Variants in RNF128 observed in about 807,000 individuals in gnomAD.
RNF128 encodes E3 ubiquitin-protein ligase RNF128.
RNF128 carries 13 observed loss-of-function variants against 26.2 expected under a neutral mutation model. The observed-to-expected ratio is 0.50, with a 90% confidence interval of 0.32 to 0.79. RNF128 has a LOEUF of 0.79. Among genes scored for constraint, RNF128 ranks in the 30% least tolerant of loss-of-function variants. The probability of loss-of-function intolerance (pLI) is 0.03; values close to 1 mark genes in which losing one functional copy is unlikely to be tolerated. For synonymous variants in RNF128, 149 were observed against 142.5 expected (o/e 1.05, Z -0.32); for missense variants, 315 against 349.7 (o/e 0.90, Z 0.79).
At position 106,694,372 on chromosome X, in the gene RNF128, G is replaced by A. The variant is rs199720554; in HGVS notation, c.370G>A (p.Glu124Lys). ...TGCTGTTGTGATTTACAATGCTCCA[G>A]AGACTGGCAATCAGACGATACAGAT... The change falls in exon 1 of 7, where the codon GAG (glutamate) becomes AAG (lysine). Residue 124 changes from glutamate (E) to lysine (K), a missense_variant. Physicochemically the swap from Glu to Lys is moderately conservative, Grantham distance 56. Transcript: ENST00000324342. 17 of 1,199,304 alleles carry A rather than the reference G, an allele frequency of 1.4e-5. No individual in the cohort carries two copies. In the African/African-American group the frequency reaches 2.6e-4, roughly 19 times the overall value.
chrX:106,703,625 A>G (rs1928995009), intron 1 of RNF128, among the ~76,000 whole-genome samples: 1 of 111,559 alleles, frequency 9.0e-6, no homozygotes, highest in Non-Finnish European at 1.9e-5. Context: ...AAGGAGGGAA[A>G]TGTAGTCAGG....
intron 6 of RNF128, among the ~76,000 whole-genome samples, chrX:106,794,025 T>G (rs1222956322): frequency 2.7e-5 from 3 of 111,825 alleles, no homozygotes. Flanking sequence ...CAATCATTGA[T>G]GCTTCTTGCT....
intron 1 of RNF128, among the ~76,000 whole-genome samples, chrX:106,751,335 A>T (rs1477685904): frequency 9.0e-6 from 1 of 110,996 alleles, no homozygotes; most frequent in Non-Finnish European, 1.9e-5. Context: ...CCTGTCACAG[A>T]GGAAAACAAC....
chrX:106,705,933 G>A (rs1020865258), intron 1 of RNF128, among the ~76,000 whole-genome samples: 15 of 112,050 alleles, frequency 1.3e-4, no homozygotes, highest in African/African-American at 4.9e-4. Context: ...TAAATCACAT[G>A]TTGGTTAGAA....
At chrX:106,762,830 A>G (rs1184856890) in intron 1 of RNF128, among the ~76,000 whole-genome samples, 1 of 110,299 alleles carries the variant, frequency 9.1e-6, no homozygotes, top group Non-Finnish European at 1.9e-5. Context: ...TTGAGTACAC[A>G]TGGACACAAA....
chrX:106,704,796 G>C lies in RNF128; in HGVS notation c.406+10388G>C, dbSNP rs760691671. On this transcript the variant is annotated intron_variant, in intron 1 of 6. Transcript: ENST00000324342. ...AAATTAGCTTCCATTTGGGAAACTA[G>C]CTAAGGATGGAATGAATGTGATACC... 3.6e-5 allele frequency among the ~76,000 whole-genome samples: 4 copies of C among 111,980 alleles called. No homozygotes were observed. The East Asian group carries it at 1.1e-3, about 31-fold the overall frequency.
At chrX:106,703,920 G>A (rs1928998835) in intron 1 of RNF128, among the ~76,000 whole-genome samples, 1 of 110,266 alleles carries the variant, frequency 9.1e-6, no homozygotes, top group East Asian at 2.9e-4. Context: ...AAAGTGGAAT[G>A]GCAACAAAAA....
At position 106,787,962 on chromosome X, in the gene RNF128, G is replaced by A. The variant is rs1312809272; in HGVS notation, c.849G>A (p.Leu283=). ...DGDSCAVCIE[L]YKPNDLVRIL... ...ATAGTTGTGCTGTGTGCATTGAATT[G>A]TATAAACCAAATGATTTGGTACGCA... Residue 283 remains leucine, a synonymous_variant, in exon 4 of 7, where the codon TTG becomes TTA. Coordinates refer to ENST00000255499, the MANE Select transcript of RNF128 (RefSeq NM_194463.2). 8.4e-7 allele frequency: 1 copy of A among 1,186,759 alleles called. No individual in the cohort carries two copies. The highest frequency in any genetic ancestry group is 1.1e-6 in the Non-Finnish European group (1 of 884,059).
chrX:106,709,424 T>A (rs1929089733), intron 1 of RNF128, among the ~76,000 whole-genome samples: 1 of 112,311 alleles, frequency 8.9e-6, no homozygotes, highest in Non-Finnish European at 1.9e-5. Flanking sequence ...ACGTTATGAA[T>A]CTTCTACTTT....
intron 1 of RNF128, among the ~76,000 whole-genome samples, chrX:106,720,663 A>G (rs1168602447): frequency 9.0e-6 from 1 of 111,497 alleles, no homozygotes; most frequent in Non-Finnish European, 1.9e-5. Flanking sequence ...GTAGTATAGC[A>G]GAATGAAAAC....
At chrX:106,766,052 T>A (rs1267607984) in intron 1 of RNF128, among the ~76,000 whole-genome samples, 1 of 110,677 alleles carries the variant, frequency 9.0e-6, no homozygotes, top group Non-Finnish European at 1.9e-5. Flanking sequence ...TGAACTCATC[T>A]TTTTATGGCT....
chrX:106,745,876 T>C (rs1602376419), intron 1 of RNF128, among the ~76,000 whole-genome samples: 1 of 111,346 alleles, frequency 9.0e-6, no homozygotes, highest in African/African-American at 3.3e-5. Flanking sequence ...TTAGGATTCT[T>C]GGTCTGATGA....
chrX:106,740,946 G>A (rs1327865603), intron 1 of RNF128, among the ~76,000 whole-genome samples: 3 of 111,111 alleles, frequency 2.7e-5, no homozygotes, highest in Non-Finnish European at 5.7e-5. Context: ...ATTCTGAACA[G>A]CTTTTTGTAT....
chrX:106,760,681 A>G (rs1478079216), intron 1 of RNF128, among the ~76,000 whole-genome samples: 1 of 111,889 alleles, frequency 8.9e-6, no homozygotes, highest in Non-Finnish European at 1.9e-5. Context: ...TCCAAGAGAT[A>G]TCTGCCCTCC....
intron 2 of RNF128, among the ~76,000 whole-genome samples, chrX:106,774,499 T>C (rs1010400000): frequency 1.8e-5 from 2 of 112,607 alleles, no homozygotes; most frequent in Non-Finnish European, 3.8e-5. Context: ...CATAGTATTA[T>C]TGCTCCCATT....
intron 1 of RNF128, among the ~76,000 whole-genome samples, chrX:106,698,344 A>G (rs1429387149): frequency 9.0e-6 from 1 of 110,670 alleles, no homozygotes; most frequent in East Asian, 2.9e-4. Context: ...AGTGGATTAG[A>G]GTCAAGTGTG....
chrX:106,761,547 G>A (rs745878720), intron 1 of RNF128, among the ~76,000 whole-genome samples: 14 of 110,696 alleles, frequency 1.3e-4, no homozygotes, highest in South Asian at 7.7e-4. Flanking sequence ...ATCAATGGTG[G>A]ACTGAATAAA....
At chrX:106,750,516 G>C (rs1268103406) in intron 1 of RNF128, among the ~76,000 whole-genome samples, 2 of 111,544 alleles carry the variant, frequency 1.8e-5, no homozygotes, top group African/African-American at 6.5e-5. Flanking sequence ...TTAAGGGTCT[G>C]TTTTATAGAT....
At chrX:106,784,916 A>G (rs759578277) in intron 2 of RNF128, 149 bp from the exon 3 acceptor site, 47 of 433,494 alleles carry the variant, frequency 1.1e-4, no homozygotes, top group African/African-American at 7.8e-4. Context: ...TAAATGGGAC[A>G]TTTATTATGG....
Sources: allele counts gnomAD v4.1 joint callset (sites outside exome capture counted in the v4.1 genomes callset), GRCh38; gene constraint gnomAD v4.1.1; transcripts MANE v1.5; gene names NCBI Gene and HGNC (gene_info 2026-07-23, HGNC 2026-07-21).